The following REEP1 variants were observed in gnomAD, a reference collection of about 807,000 sequenced individuals.
REEP1 encodes receptor accessory protein 1, also known as receptor expression-enhancing protein 1.
Under a neutral mutation model 40.3 loss-of-function variants are expected in REEP1, and 22 were observed. That is an observed-to-expected ratio of 0.55 (90% CI 0.39 to 0.78). REEP1 has a LOEUF of 0.78. Among genes scored for constraint, REEP1 ranks in the 30% least tolerant of loss-of-function variants. The pLI is 0.00. For missense variants in REEP1, 280 were observed against 361.1 expected (o/e 0.78, Z 1.82); for synonymous variants, 116 against 139.2 (o/e 0.83, Z 1.17).
intron 1 of REEP1, chr2:86,297,583 A>AT (rs1318924686): frequency 1.2e-5 from 5 of 429,976 alleles, no homozygotes; most frequent in Non-Finnish European, 1.6e-5. Flanking sequence ...AGATGCAGGG[A>AT]TGCCACCTAG....
chr2:86,270,259 C>T (rs1288559601), intron 2 of REEP1, among the ~76,000 whole-genome samples: 3 of 152,152 alleles, frequency 2.0e-5, no homozygotes, highest in African/African-American at 2.4e-5. Flanking sequence ...TGCAATGGCA[C>T]GATCTCAGTT....
intron 5 of REEP1, among the ~76,000 whole-genome samples, chr2:86,239,208 CAAAAAAAAAAAAAAA>C (rs35714309): frequency 1.7e-5 from 1 of 58,348 alleles, no homozygotes; most frequent in African/African-American, 7.5e-5. Flanking sequence ...CCATCTAGAC[CAAAAAAAAAAAAAAA>C]AAAAAAAAAA....
At chr2:86,294,554 C>T (rs910131217) in intron 1 of REEP1, among the ~76,000 whole-genome samples, 1 of 152,248 alleles carries the variant, frequency 6.6e-6, no homozygotes, top group South Asian at 2.1e-4. Flanking sequence ...AATTTTCAAA[C>T]ATCTCAATTT....
At chr2:86,237,779 T>C (rs1675441452) in intron 5 of REEP1, among the ~76,000 whole-genome samples, 1 of 152,146 alleles carries the variant, frequency 6.6e-6, no homozygotes, top group South Asian at 2.1e-4. Context: ...CACCTTGGTC[T>C]CCCAAAGTGC....
intron 6 of REEP1, among the ~76,000 whole-genome samples, chr2:86,230,361 T>TG (rs1055397758): frequency 6.6e-6 from 1 of 152,246 alleles, no homozygotes; most frequent in African/African-American, 2.4e-5. Context: ...GCCTGGATTC[T>TG]GGGCCTGGGG....
intron 7 of REEP1, among the ~76,000 whole-genome samples, chr2:86,226,405 T>C (rs142068393): frequency 1.5e-5 from 1 of 65,882 alleles, no homozygotes; most frequent in East Asian, 2.3e-4. Flanking sequence ...CTTAGTCCTC[T>C]GAAGTTCCTG....
At chr2:86,263,399 AT>A (rs1380505505) in intron 3 of REEP1, among the ~76,000 whole-genome samples, 4 of 151,014 alleles carry the variant, frequency 2.6e-5, no homozygotes, top group African/African-American at 9.8e-5. Flanking sequence ...CCGGCTAATT[AT>A]TTTTTTGTAT....
At chr2:86,236,964 G>A (rs1675385770) in intron 5 of REEP1, among the ~76,000 whole-genome samples, 1 of 152,170 alleles carries the variant, frequency 6.6e-6, no homozygotes, top group Non-Finnish European at 1.5e-5. Flanking sequence ...TCGATCTCCT[G>A]ACCTCGTAAT....
At position 86,337,198 on chromosome 2, in the gene REEP1, A is replaced by C. The variant is rs530769479; in HGVS notation, c.32+281T>G. 7 of 193,986 alleles carry C rather than the reference A, an allele frequency of 3.6e-5. No homozygotes were observed. The highest frequency in any genetic ancestry group is 1.6e-4 in the African/African-American group (7 of 42,602). The allele number at this position is 193,986 out of a possible 1,614,324, so 12.0% of individuals were successfully genotyped here. A position where few individuals can be genotyped will look rare whatever the true frequency, so the allele number is the denominator to read the frequency against. On this transcript the variant is annotated intron_variant, in intron 1 of 8. Transcript: ENST00000538924. This position sits in a 1 kb window ranked among gnomAD's most constrained non-coding sequence, Gnocchi z 5.8. ...AACAAAGCGGCCAGCGCGCGGCGAG[A>C]CGCAGCCCCCACGGAACCCCCGAGC...
intron 5 of REEP1, among the ~76,000 whole-genome samples, chr2:86,238,140 C>T (rs889249058): frequency 2.6e-5 from 4 of 152,204 alleles, no homozygotes; most frequent in Admixed American, 2.0e-4. Flanking sequence ...GAGATCGTGC[C>T]ATTGCACTCC....
intron 1 of REEP1, among the ~76,000 whole-genome samples, chr2:86,309,975 G>A (rs75693170): frequency 6.6e-6 from 1 of 152,048 alleles, no homozygotes; most frequent in Admixed American, 6.5e-5. Flanking sequence ...CAAGTGGAGA[G>A]GGCAGGTCGT....
intron 1 of REEP1, among the ~76,000 whole-genome samples, chr2:86,294,450 G>A (rs1245241389): frequency 6.6e-6 from 1 of 152,040 alleles, no homozygotes; most frequent in Non-Finnish European, 1.5e-5. Context: ...ATCCATAAAA[G>A]ATTACTTCTA....
intron 2 of REEP1, among the ~76,000 whole-genome samples, chr2:86,264,978 CAG>C (rs1677062985): frequency 6.6e-6 from 1 of 152,098 alleles, no homozygotes; most frequent in South Asian, 2.1e-4. Flanking sequence ...AAGGAGAATG[CAG>C]TTTGAGACTG....
At chr2:86,255,011 T>C (rs1676477803) in intron 3 of REEP1, 197 bp from the exon 4 acceptor site, 2 of 529,008 alleles carry the variant, frequency 3.8e-6, no homozygotes, top group East Asian at 6.3e-5. Flanking sequence ...ACGCCTCTCT[T>C]TGAAAACCAG....
intron 1 of REEP1, among the ~76,000 whole-genome samples, chr2:86,305,548 G>C (rs972469220): frequency 1.3e-5 from 2 of 152,234 alleles, no homozygotes; most frequent in East Asian, 3.9e-4. Flanking sequence ...TCACCAGGTG[G>C]GCTTGTTAAA....
chr2:86,333,628 C>T (rs1680872982), intron 1 of REEP1, among the ~76,000 whole-genome samples: 1 of 152,198 alleles, frequency 6.6e-6, no homozygotes, highest in Admixed American at 6.5e-5. Flanking sequence ...AATACCTGCT[C>T]CTTAGAATAA....
At chr2:86,286,485 G>A (rs1574083223) in intron 1 of REEP1, among the ~76,000 whole-genome samples, 1 of 152,052 alleles carries the variant, frequency 6.6e-6, no homozygotes, top group African/African-American at 2.4e-5. Flanking sequence ...TGGTCTTTGG[G>A]CCATGGACTC....
intron 5 of REEP1, chr2:86,240,172 G>T (rs1395887388): frequency 1.3e-5 from 2 of 152,466 alleles, no homozygotes; most frequent in East Asian, 3.9e-4. Flanking sequence ...TCACTCCCTC[G>T]CTCGCTCACC....
chr2:86,288,747 A>G (rs79519462), intron 1 of REEP1, among the ~76,000 whole-genome samples: 3,521 of 152,030 alleles, frequency 0.023, 137 homozygotes, highest in African/African-American at 0.079. Flanking sequence ...AGATTTTAAT[A>G]CTCCCCATTC....
Sources: gnomAD v4.1 joint callset for allele counts (sites outside exome capture counted in the v4.1 genomes callset) on GRCh38, gnomAD v4.1.1 for gene constraint, Gnocchi (gnomAD v3.1) non-coding constraint, MANE v1.5 for transcripts, NCBI Gene and HGNC (gene_info 2026-07-23, HGNC 2026-07-21) for gene names.